Variants in FAM20A observed in about 807,000 individuals in gnomAD.
FAM20A encodes pseudokinase FAM20A.
A neutral mutation model predicts 52.0 loss-of-function variants in FAM20A; 42 were observed. That is an observed-to-expected ratio of 0.81 (90% CI 0.63 to 1.04). The LOEUF (loss-of-function observed/expected upper bound fraction) is 1.04. Ranked by LOEUF, FAM20A falls within the 50% of genes least tolerant of loss-of-function variation. FAM20A has a pLI of 0.00. For synonymous variants in FAM20A, 304 were observed against 298.9 expected (o/e 1.02, Z -0.18); for missense variants, 742 against 712.7 (o/e 1.04, Z -0.47).
At chr17:68,591,115 G>GTTTTGTTTTA (rs912186395) in intron 1 of FAM20A, among the ~76,000 whole-genome samples, 19 of 152,100 alleles carry the variant, frequency 1.2e-4, no homozygotes, top group Admixed American at 5.2e-4. Flanking sequence ...GTTTTGTTTT[G>GTTTTGTTTTA]TTTTGTTTTG....
chr17:68,583,607 T>G (rs1295270729), intron 1 of FAM20A, among the ~76,000 whole-genome samples: 1 of 150,240 alleles, frequency 6.7e-6, no homozygotes, highest in Non-Finnish European at 1.5e-5. Context: ...TAAAGACCTG[T>G]TTTTTTTAAC....
At chr17:68,552,165 G>A (rs985531961) in intron 3 of FAM20A, among the ~76,000 whole-genome samples, 1 of 152,046 alleles carries the variant, frequency 6.6e-6, no homozygotes, top group Non-Finnish European at 1.5e-5. Flanking sequence ...TTTTTACTTT[G>A]GGAGGTGAAG....
At position 68,600,695 on chromosome 17, in the gene FAM20A, G is replaced by A; in HGVS notation, c.-29C>T. On this transcript the variant is annotated 5_prime_UTR_variant, in exon 1 of 11. Coordinates refer to ENST00000592554, the MANE Select transcript of FAM20A (RefSeq NM_017565.4). The surrounding 1 kb of genome is among the most constrained non-coding windows in gnomAD (Gnocchi z 6.2). The stretch of plus-strand genomic sequence containing the variant: ...GTGCTGGCCAAGGGGGACGCCGGGG[G>A]CAGGCCGGCTGTCTCCGGGGTCCCG... 1.3e-6 allele frequency: 2 copies of A among 1,528,672 alleles called. No homozygotes were observed. The highest frequency in any genetic ancestry group is 1.7e-6 in the Non-Finnish European group (2 of 1,144,108). 94.7% of individuals were successfully genotyped at this position (1,528,672 alleles called of 1,614,324 possible). A position where few individuals can be genotyped will look rare whatever the true frequency, so the allele number is the denominator to read the frequency against.
At chr17:68,562,530 TAAAC>T (rs1299790006) in intron 1 of FAM20A, among the ~76,000 whole-genome samples, 2 of 152,206 alleles carry the variant, frequency 1.3e-5, no homozygotes, top group Non-Finnish European at 2.9e-5. Context: ...ATTGTACAAT[TAAAC>T]AAATTACACT....
chr17:68,562,810 A>G (rs1219877921), intron 1 of FAM20A, among the ~76,000 whole-genome samples: 1 of 152,192 alleles, frequency 6.6e-6, no homozygotes, highest in Non-Finnish European at 1.5e-5. Flanking sequence ...GAGGATTCTT[A>G]AAGATTTTTC....
intron 1 of FAM20A, among the ~76,000 whole-genome samples, chr17:68,570,211 G>A (rs913787748): frequency 7.9e-5 from 12 of 152,106 alleles, no homozygotes; most frequent in African/African-American, 2.7e-4. Flanking sequence ...GAGTAGCTGG[G>A]ATTATGGGCA....
intron 1 of FAM20A, among the ~76,000 whole-genome samples, chr17:68,574,856 A>G (rs1348315992): frequency 6.6e-6 from 1 of 152,118 alleles, no homozygotes; most frequent in Non-Finnish European, 1.5e-5. Context: ...GCTGGCAGAT[A>G]TGATTAAAGT....
chr17:68,586,460 G>A, intron 1 of FAM20A, among the ~76,000 whole-genome samples: 1 of 152,214 alleles, frequency 6.6e-6, no homozygotes, highest in East Asian at 1.9e-4. Context: ...TAAGGATCTT[G>A]AGATGAGATC....
chr17:68,574,932 C>A (rs2087684048), intron 1 of FAM20A: 1 of 144,398 alleles, frequency 6.9e-6, no homozygotes, highest in Admixed American at 6.8e-5. Flanking sequence ...ATTACAAGAA[C>A]CCTTATAAAA....
At chr17:68,543,829 T>C (rs779406337) in intron 4 of FAM20A, 108 bp from the exon 5 acceptor site, 1 of 955,822 alleles carries the variant, frequency 1.0e-6, no homozygotes, top group Non-Finnish European at 1.7e-6. Flanking sequence ...TTTTATGCTT[T>C]TCATGTACAC....
Position 68,542,184 on chromosome 17 carries a change from AGAG to A in FAM20A, c.929-22_929-20del. On this transcript the variant is annotated intron_variant, in intron 6 of 10. Coordinates refer to ENST00000592554, the MANE Select transcript of FAM20A (RefSeq NM_017565.4). ...TTGCTCGCTGGAGGATGGGGAGGAG[AGAG>A]GAGGAGTAAGTGGAGGGCTCTGGAG... 6.2e-7 allele frequency: 1 copy of A among 1,613,428 alleles called. No homozygotes were observed.
intron 1 of FAM20A, among the ~76,000 whole-genome samples, chr17:68,580,177 C>T (rs1308610049): frequency 6.6e-6 from 1 of 152,208 alleles, no homozygotes; most frequent in Admixed American, 6.5e-5. Context: ...GCTTTTTCTG[C>T]TCTTCCACAG....
intron 1 of FAM20A, among the ~76,000 whole-genome samples, chr17:68,581,350 T>TTTTCTTCCTTTCTTTCTTTC (rs1555831892): frequency 1.1e-5 from 1 of 92,218 alleles, no homozygotes; most frequent in Non-Finnish European, 2.1e-5. Context: ...GAAATGCAGT[T>TTTTCTTCCTTTCTTTCTTTC]TTTCTTTCTT....
At chr17:68,566,151 A>G (rs999653158) in intron 1 of FAM20A, among the ~76,000 whole-genome samples, 1 of 152,208 alleles carries the variant, frequency 6.6e-6, no homozygotes, top group Admixed American at 6.5e-5. Flanking sequence ...ACAACCAACC[A>G]GATGTGAGCT....
rs570977816 is a variant in FAM20A at position 68,583,438 on chromosome 17, C to T, written c.404+16825G>A. Among the ~76,000 whole-genome samples the T allele has an allele frequency of 1.8e-4, 27 of 152,006 alleles. 1 individual carries two copies. In the South Asian group the frequency reaches 4.6e-3, roughly 26 times the overall value. On this transcript the variant is annotated intron_variant, in intron 1 of 10. Transcript: ENST00000592554. ...GGTGTTCCTCAACCTGTGACCACCT[C>T]ACTCTACTCTCGGCCTTTGTGGTCA...
At chr17:68,539,682 G>C (rs1466951677) in intron 9 of FAM20A, among the ~76,000 whole-genome samples, 1 of 152,272 alleles carries the variant, frequency 6.6e-6, no homozygotes, top group East Asian at 1.9e-4. Context: ...GGGCACACGA[G>C]TGCTCTCAGG....
rs564899889 is a variant in FAM20A at position 68,536,084 on chromosome 17, A to G, written c.*1393T>C. On this transcript the variant is annotated 3_prime_UTR_variant, in exon 11 of 11. Coordinates refer to ENST00000592554, the MANE Select transcript of FAM20A (RefSeq NM_017565.4). ...TGAATGGTAGTGATTTTAGAGAGACACAAAGTCCAGGGGCAGCATACCAGT... is the reference window on the plus strand; with the variant it reads ...TGAATGGTAGTGATTTTAGAGAGACGCAAAGTCCAGGGGCAGCATACCAGT... The G allele has an allele frequency of 2.2e-6, 1 of 454,132 alleles. No homozygotes were observed. Among genetic ancestry groups the G allele is most frequent in the African/African-American group, 2.0e-5 (1 of 50,148 alleles). 28.1% of individuals were successfully genotyped at this position (454,132 alleles called of 1,614,324 possible). A position where few individuals can be genotyped will look rare whatever the true frequency, so the allele number is the denominator to read the frequency against.
chr17:68,554,242 T>G (rs1309732819), intron 3 of FAM20A, among the ~76,000 whole-genome samples: 1 of 152,050 alleles, frequency 6.6e-6, no homozygotes, highest in African/African-American at 2.4e-5. Flanking sequence ...GTGAATCTCT[T>G]GCCTCAGCCT....
At position 68,600,820 on chromosome 17, in the gene FAM20A, T is replaced by A; in HGVS notation, c.-154A>T. 1.3e-6 allele frequency: 1 copy of A among 751,984 alleles called. No individual in the cohort carries two copies. The highest frequency in any genetic ancestry group is 2.0e-6 in the Non-Finnish European group (1 of 489,660). The allele number at this position is 751,984 out of a possible 1,614,324, so 46.6% of individuals were successfully genotyped here. A position where few individuals can be genotyped will look rare whatever the true frequency, so the allele number is the denominator to read the frequency against. The stretch of plus-strand genomic sequence containing the variant: ...GCTCCCCGCGCGGGCTAGTCCCCTG[T>A]GGAGGGGTGTCGCTCCTCAACTTGG... On this transcript the variant is annotated 5_prime_UTR_variant, in exon 1 of 11. Coordinates refer to ENST00000592554, the MANE Select transcript of FAM20A (RefSeq NM_017565.4). This position sits in a 1 kb window ranked among gnomAD's most constrained non-coding sequence, Gnocchi z 6.2.
Sources: allele counts gnomAD v4.1 joint callset (sites outside exome capture counted in the v4.1 genomes callset), GRCh38; gene constraint gnomAD v4.1.1; non-coding constraint Gnocchi (gnomAD v3.1); transcripts MANE v1.5; gene names NCBI Gene and HGNC (gene_info 2026-07-23, HGNC 2026-07-21).